The following ZIM2 variants were observed in gnomAD, a reference collection of about 807,000 sequenced individuals.
The protein encoded by ZIM2 is zinc finger imprinted 2.
In ZIM2, 14 loss-of-function variants were observed where a neutral mutation model predicts 38.6. The ratio of observed to expected loss-of-function variants is 0.36; its 90% CI spans 0.24 to 0.57. ZIM2 has a LOEUF of 0.57. Ranked by LOEUF, ZIM2 falls within the 20% of genes least tolerant of loss-of-function variation. ZIM2 has a pLI of 0.81. For missense variants in ZIM2, 680 were observed against 695.1 expected (o/e 0.98, Z 0.24); for synonymous variants, 247 against 245.8 (o/e 1.00, Z -0.04).
chr19:56,799,963 T>C (rs984914927), intron 9 of ZIM2, among the ~76,000 whole-genome samples: 5 of 152,354 alleles, frequency 3.3e-5, no homozygotes, highest in African/African-American at 1.2e-4. Context: ...ATTCCATTCA[T>C]GCTAATTCTA....
At position 56,816,705 on chromosome 19, in the gene ZIM2, A is replaced by T. The variant is rs773055680; in HGVS notation, c.490+1041T>A. 9 of 1,614,016 alleles carry T rather than the reference A, an allele frequency of 5.6e-6. No homozygotes were observed. In the African/African-American group the frequency reaches 1.2e-4, roughly 22 times the overall value. The stretch of plus-strand genomic sequence containing the variant: ...CCCCAAAGTGGATTTTCTGGTGCTC[A>T]ATCAGGGCAGAACTATGAAGGAAGG... On this transcript the variant is annotated intron_variant, in intron 9 of 12. Transcript: ENST00000629319.
At chr19:56,821,830 A>G (rs1270144685) in intron 6 of ZIM2, 76 bp from the exon 7 acceptor site, 2 of 1,514,864 alleles carry the variant, frequency 1.3e-6, no homozygotes, top group Non-Finnish European at 1.8e-6. Context: ...CCACTCAACT[A>G]TGAAGCCAGC....
At chr19:56,822,676 CT>C (rs1271976911) in intron 6 of ZIM2, 76 bp downstream of exon 6, 1 of 1,567,796 alleles carries the variant, frequency 6.4e-7, no homozygotes, top group Non-Finnish European at 8.7e-7. Flanking sequence ...CTTCGAGGCC[CT>C]GGCACTTTCC....
At position 56,806,064 on chromosome 19, in the gene ZIM2, A is replaced by C. The variant is rs138443198; in HGVS notation, c.490+11682T>G. 2.6e-5 allele frequency among the ~76,000 whole-genome samples: 4 copies of C among 152,334 alleles called. No individual in the cohort carries two copies. In the East Asian group the frequency reaches 7.7e-4, roughly 29 times the overall value. Reference sequence around the variant, plus strand: ...AAATCTATGCCCAGTGGTTATAAAAATAATGTATTAGGTATATATATAATA... The same window carrying C: ...AAATCTATGCCCAGTGGTTATAAAACTAATGTATTAGGTATATATATAATA... On this transcript the variant is annotated intron_variant, in intron 9 of 12. Transcript: ENST00000629319.
intron 1 of ZIM2, 137 bp from the exon 2 acceptor site, chr19:56,836,241 C>A: frequency 2.8e-6 from 1 of 360,664 alleles, no homozygotes; most frequent in Admixed American, 3.3e-5. Flanking sequence ...AAAAGCATCC[C>A]ATCCAGGATG....
chr19:56,822,531 T>C (rs2060599578), intron 6 of ZIM2: 4 of 490,584 alleles, frequency 8.2e-6, no homozygotes, highest in Non-Finnish European at 1.1e-5. Flanking sequence ...TTAAGAATAC[T>C]GAGCAAATAG....
At chr19:56,799,442 C>G (rs2047395548) in intron 9 of ZIM2, 1 of 152,106 alleles carries the variant, frequency 6.6e-6, no homozygotes, top group South Asian at 2.1e-4. Context: ...ACACTGGGGC[C>G]TGTTGCAGGG....
chr19:56,837,131 A>G (rs992612416), intron 1 of ZIM2, among the ~76,000 whole-genome samples: 1 of 152,074 alleles, frequency 6.6e-6, no homozygotes, highest in Admixed American at 6.5e-5. Flanking sequence ...ACTCCGTAGG[A>G]GAGCTAGGGC....
At chr19:56,812,792 T>C in intron 9 of ZIM2, 1 of 977,220 alleles carries the variant, frequency 1.0e-6, no homozygotes, top group Non-Finnish European at 1.2e-6. Context: ...ATCAATTCAC[T>C]ATCATCAAAC....
rs878878446 is a variant in ZIM2, at chr19:56,824,127, G to A, written c.16+135C>T. On this transcript the variant is annotated intron_variant, in intron 4 of 12. Transcript: ENST00000629319. Reference sequence around the variant, plus strand: ...TCATGATGCAGCTCAATATCCCACAGTACACAGGACATCCCCACCGCTGCC... The same window carrying A: ...TCATGATGCAGCTCAATATCCCACAATACACAGGACATCCCCACCGCTGCC... 6 of 1,411,990 alleles carry A rather than the reference G, an allele frequency of 4.2e-6. No individual in the cohort carries two copies. In the South Asian group the frequency reaches 5.7e-5, roughly 13 times the overall value. 87.5% of individuals were successfully genotyped at this position (1,411,990 alleles called of 1,614,324 possible).
At chr19:56,803,944 T>G (rs1338984991) in intron 9 of ZIM2, among the ~76,000 whole-genome samples, 2 of 152,228 alleles carry the variant, frequency 1.3e-5, no homozygotes, top group Non-Finnish European at 2.9e-5. Context: ...TAAAAACAGT[T>G]GCACTGCAGG....
rs375409345 is a variant in ZIM2 at position 56,816,769 on chromosome 19, C to A, written c.490+977G>T. 4 of 1,613,936 alleles carry A rather than the reference C, an allele frequency of 2.5e-6. No homozygotes were observed. The African/African-American group carries it at 4.0e-5, about 16-fold the overall frequency. Reference sequence around the variant, plus strand: ...CCTGCACTCGTAGAATTTGTCTTTGCCATATATTTTCTGAAGCTCACTAAA... The same window carrying A: ...CCTGCACTCGTAGAATTTGTCTTTGACATATATTTTCTGAAGCTCACTAAA... On this transcript the variant is annotated intron_variant, in intron 9 of 12. Coordinates refer to ENST00000629319, the MANE Select transcript of ZIM2 (RefSeq NM_001387356.1).
chr19:56,779,618 G>A, intron 11 of ZIM2, 146 bp from the exon 12 acceptor site: 1 of 702,668 alleles, frequency 1.4e-6, no homozygotes, highest in African/African-American at 1.8e-5. Context: ...ACCCCCTAAG[G>A]GACATCTAAA....
chr19:56,815,436 A>G (rs774648504), intron 9 of ZIM2: 2 of 1,614,002 alleles, frequency 1.2e-6, no homozygotes, highest in South Asian at 1.1e-5. Flanking sequence ...CAGACCATTC[A>G]TAGTTTCTGC....
intron 2 of ZIM2, among the ~76,000 whole-genome samples, chr19:56,832,539 T>C (rs2061674063): frequency 6.6e-6 from 1 of 152,214 alleles, no homozygotes; most frequent in South Asian, 2.1e-4. Context: ...TTACTAAAGC[T>C]TCCATATCTC....
At chr19:56,810,109 G>A (rs1568595433) in intron 9 of ZIM2, 2 of 936,256 alleles carry the variant, frequency 2.1e-6, no homozygotes, top group South Asian at 9.9e-5. Context: ...TTTTATTGTT[G>A]ACACTATTAC....
At chr19:56,777,006 A>G (rs2046049900) in intron 12 of ZIM2, among the ~76,000 whole-genome samples, 1 of 152,218 alleles carries the variant, frequency 6.6e-6, no homozygotes, top group African/African-American at 2.4e-5. Flanking sequence ...TTTGAATTTT[A>G]TCTTGACGGA....
chr19:56,774,571 T>C lies in ZIM2; in HGVS notation c.*117A>G. Reference sequence around the variant, plus strand: ...CTTTTTTTTTTTTTTTACCACACTTTGATGAATGTTCAAGTTGTTAACAAG... The same window carrying C: ...CTTTTTTTTTTTTTTTACCACACTTCGATGAATGTTCAAGTTGTTAACAAG... On this transcript the variant is annotated 3_prime_UTR_variant, in exon 13 of 13. Transcript: ENST00000629319. 6.9e-7 allele frequency: 1 copy of C among 1,440,660 alleles called. No individual in the cohort carries two copies. The highest frequency in any genetic ancestry group is 9.2e-7 in the Non-Finnish European group (1 of 1,084,672). The allele number at this position is 1,440,660 out of a possible 1,614,324, so 89.2% of individuals were successfully genotyped here.
In ZIM2 at chr19:56,814,187, TTGGCTCAGCAGCCTCCACTTC is replaced by T. The variant is rs754092967; in HGVS notation, c.490+3538_490+3558del. 4.5e-4 allele frequency: 730 copies of T among 1,613,402 alleles called. 1 individual carries two copies. The highest frequency in any genetic ancestry group is 3.8e-4 in the Non-Finnish European group (444 of 1,179,812). On this transcript the variant is annotated intron_variant, in intron 9 of 12. Transcript: ENST00000629319. The surrounding 1 kb of genome is among the most constrained non-coding windows in gnomAD (Gnocchi z 5.8). ...CCATCTGGCCCTTCAGCCTCTCCGT[TTGGCTCAGCAGCCTCCACTTC>T]TGGCTCAGCAGCCTCCACTTCTGGC...
Sources: allele counts gnomAD v4.1 joint callset (sites outside exome capture counted in the v4.1 genomes callset), GRCh38; gene constraint gnomAD v4.1.1; non-coding constraint Gnocchi (gnomAD v3.1); transcripts MANE v1.5; gene names NCBI Gene and HGNC (gene_info 2026-07-23, HGNC 2026-07-21).